Variants in LIN28B observed in about 807,000 individuals in gnomAD.
LIN28B encodes protein lin-28 homolog B.
In LIN28B, 5 loss-of-function variants were observed where a neutral mutation model predicts 21.9. That is an observed-to-expected ratio of 0.23 (90% CI 0.12 to 0.48). The LOEUF is 0.48. Among genes scored for constraint, LIN28B ranks in the 20% least tolerant of loss-of-function variants. LIN28B has a pLI of 0.98. For missense variants in LIN28B, 245 were observed against 310.5 expected (o/e 0.79, Z 1.58); for synonymous variants, 109 against 111.3 (o/e 0.98, Z 0.13).
intron 2 of LIN28B, among the ~76,000 whole-genome samples, chr6:105,003,325 A>G (rs1166927468): frequency 1.3e-5 from 2 of 152,210 alleles, no homozygotes; most frequent in African/African-American, 4.8e-5. Flanking sequence ...AGTGTAATAA[A>G]GAATGAAAGT....
At chr6:105,042,017 A>G (rs759845866) in intron 3 of LIN28B, among the ~76,000 whole-genome samples, 10 of 152,188 alleles carry the variant, frequency 6.6e-5, no homozygotes, top group Admixed American at 5.2e-4. Flanking sequence ...ATTCCCAGCA[A>G]TTCTCACAAA....
intron 2 of LIN28B, among the ~76,000 whole-genome samples, chr6:105,020,585 C>T (rs1259524328): frequency 6.6e-6 from 1 of 151,688 alleles, no homozygotes; most frequent in Non-Finnish European, 1.5e-5. Flanking sequence ...TCCCAAAGTG[C>T]TGGGATTACA....
chr6:104,969,806 A>G (rs1057385837), intron 2 of LIN28B, among the ~76,000 whole-genome samples: 3 of 152,228 alleles, frequency 2.0e-5, no homozygotes, highest in Admixed American at 6.5e-5. Flanking sequence ...CTTAATTTCT[A>G]GCATTTATGC....
intron 2 of LIN28B, among the ~76,000 whole-genome samples, chr6:105,020,611 A>G (rs1468186213): frequency 1.3e-5 from 2 of 151,440 alleles, no homozygotes; most frequent in African/African-American, 4.9e-5. Flanking sequence ...GAACCACTGC[A>G]CCCAGGCTGA....
intron 2 of LIN28B, among the ~76,000 whole-genome samples, chr6:104,963,721 A>G (rs1769800995): frequency 6.6e-6 from 1 of 152,180 alleles, no homozygotes; most frequent in Non-Finnish European, 1.5e-5. Flanking sequence ...TCAATTAATG[A>G]ATGTACATTG....
chr6:104,940,297 G>A (rs1295028392), intron 2 of LIN28B: 1 of 160,976 alleles, frequency 6.2e-6, no homozygotes, highest in African/African-American at 2.4e-5. Flanking sequence ...GTGTCAGGTT[G>A]GGGAGCAAGG....
chr6:105,015,123 TAA>T (rs1251240365), intron 2 of LIN28B, among the ~76,000 whole-genome samples: 1 of 152,204 alleles, frequency 6.6e-6, no homozygotes, highest in Admixed American at 6.5e-5. Flanking sequence ...GGGTGGCTTA[TAA>T]AAAAAGTCTC....
chr6:105,058,243 T>C (rs545414265), intron 3 of LIN28B: 4 of 185,450 alleles, frequency 2.2e-5, no homozygotes, highest in South Asian at 1.7e-4. Context: ...GCTTGTGATA[T>C]CAGTTCTCAA....
chr6:104,967,576 C>CAAAAAAAAAAAAAAAAAAAAAAAAAAAA (rs71003462), intron 2 of LIN28B, among the ~76,000 whole-genome samples: 1 of 60,736 alleles, frequency 1.6e-5, no homozygotes, highest in African/African-American at 7.3e-5. Flanking sequence ...AACTCCCTCT[C>CAAAAAAAAAAAAAAAAAAAAAAAAAAAA]AAAAAAAAAA....
intron 2 of LIN28B, among the ~76,000 whole-genome samples, chr6:105,007,790 C>T (rs1393978233): frequency 6.6e-6 from 1 of 151,624 alleles, no homozygotes; most frequent in Non-Finnish European, 1.5e-5. Flanking sequence ...ATGCCTGGCC[C>T]CTTTTTTAAT....
At chr6:105,032,709 G>T (rs964163163) in intron 3 of LIN28B, among the ~76,000 whole-genome samples, 1 of 151,510 alleles carries the variant, frequency 6.6e-6, no homozygotes, top group Non-Finnish European at 1.5e-5. Context: ...GTGACAGCAA[G>T]ACCCTGCCTC....
At position 105,083,260 on chromosome 6, in the gene LIN28B, C is replaced by A. The variant is rs1434221384; in HGVS notation, c.*4477C>A. On this transcript the variant is annotated 3_prime_UTR_variant, in exon 4 of 4. Coordinates refer to ENST00000345080, the MANE Select transcript of LIN28B (RefSeq NM_001004317.4). ...CTCATTTCATGCCTAATGTCTTATT[C>A]TGTCAATTATGGATATGTTGAGGTT... 2 of 152,434 alleles carry A rather than the reference C, an allele frequency of 1.3e-5. No individual in the cohort carries two copies. The highest frequency in any genetic ancestry group is 4.8e-5 in the African/African-American group (2 of 41,558). 9.4% of individuals were successfully genotyped at this position (152,434 alleles called of 1,614,324 possible).
At chr6:105,009,647 A>G (rs1446583494) in intron 2 of LIN28B, among the ~76,000 whole-genome samples, 1 of 152,200 alleles carries the variant, frequency 6.6e-6, no homozygotes, top group Non-Finnish European at 1.5e-5. Flanking sequence ...TGAATAGCGC[A>G]CTGTTCTCAA....
intron 2 of LIN28B, among the ~76,000 whole-genome samples, chr6:104,962,649 C>G (rs1189128735): frequency 2.0e-5 from 3 of 151,986 alleles, no homozygotes; most frequent in African/African-American, 7.3e-5. Flanking sequence ...ATATAGAGTT[C>G]TTATGTATTT....
intron 2 of LIN28B, among the ~76,000 whole-genome samples, chr6:104,975,108 C>T (rs984186156): frequency 1.3e-5 from 2 of 152,130 alleles, no homozygotes; most frequent in Non-Finnish European, 2.9e-5. Flanking sequence ...GCGTGAGCCA[C>T]CGCGCCCAGC....
intron 3 of LIN28B, among the ~76,000 whole-genome samples, chr6:105,063,140 T>A (rs1772152524): frequency 6.6e-6 from 1 of 152,188 alleles, no homozygotes; most frequent in African/African-American, 2.4e-5. Context: ...GAATATTTAT[T>A]TATTTGTCTT....
At chr6:104,960,126 T>G (rs933992897) in intron 2 of LIN28B, among the ~76,000 whole-genome samples, 3 of 152,116 alleles carry the variant, frequency 2.0e-5, no homozygotes, top group Non-Finnish European at 2.9e-5. Context: ...GACTTAATAT[T>G]CAGTTACATA....
intron 2 of LIN28B, among the ~76,000 whole-genome samples, chr6:104,965,339 A>G (rs1054648134): frequency 1.2e-4 from 18 of 152,060 alleles, no homozygotes; most frequent in Non-Finnish European, 1.5e-5. Context: ...CAGCCTGGGT[A>G]ACATGGCAAA....
chr6:105,063,650 A>AGGG (rs1562111694), intron 3 of LIN28B, among the ~76,000 whole-genome samples: 48 of 145,918 alleles, frequency 3.3e-4, no homozygotes, highest in Non-Finnish European at 4.4e-4. Context: ...GGGGGGGGGA[A>AGGG]AAAAAGGTAA....
Sources: allele counts gnomAD v4.1 joint callset (sites outside exome capture counted in the v4.1 genomes callset), GRCh38; gene constraint gnomAD v4.1.1; transcripts MANE v1.5; gene names NCBI Gene and HGNC (gene_info 2026-07-23, HGNC 2026-07-21).